PTPRT: variants seen among roughly 807,000 people sequenced by gnomAD.
The protein encoded by PTPRT is receptor-type tyrosine-protein phosphatase T.
In PTPRT, 56 loss-of-function variants were observed where a neutral mutation model predicts 176.8. The observed-to-expected ratio is 0.32, with a 90% CI of 0.26 to 0.40. The LOEUF is 0.40. Ranked by LOEUF, PTPRT falls within the 10% of genes least tolerant of loss-of-function variation. The probability of loss-of-function intolerance (pLI) is 1.00; values close to 1 mark genes in which losing one functional copy is unlikely to be tolerated. For synonymous variants in PTPRT, 783 were observed against 739.0 expected (o/e 1.06, Z -0.96); for missense variants, 1,540 against 1,908.2 (o/e 0.81, Z 3.60).
chr20:42,918,455 T>G (rs1475713160), intron 1 of PTPRT, among the ~76,000 whole-genome samples: 1 of 152,192 alleles, frequency 6.6e-6, no homozygotes, highest in African/African-American at 2.4e-5. Flanking sequence ...CCAATCTGAC[T>G]GGATCAAATT....
At chr20:42,922,344 C>T (rs1439746008) in intron 1 of PTPRT, among the ~76,000 whole-genome samples, 2 of 152,164 alleles carry the variant, frequency 1.3e-5, no homozygotes, top group African/African-American at 2.4e-5. Flanking sequence ...TAAGTCCCAA[C>T]CCTGTGCATC....
chr20:42,411,903 C>G (rs2059022925), intron 9 of PTPRT, among the ~76,000 whole-genome samples: 1 of 151,730 alleles, frequency 6.6e-6, no homozygotes, highest in Non-Finnish European at 1.5e-5. Flanking sequence ...AGTGCTTAAA[C>G]AGATATCCAT....
chr20:42,054,512 T>G, the PTPRT span, among the ~76,000 whole-genome samples: 1 of 152,190 alleles, frequency 6.6e-6, no homozygotes, highest in Admixed American at 6.5e-5. Flanking sequence ...ATTACTCTGG[T>G]TAACTGTCTT....
intron 1 of PTPRT, among the ~76,000 whole-genome samples, chr20:43,095,720 C>A (rs1315920848): frequency 8.7e-6 from 1 of 114,598 alleles, no homozygotes; most frequent in Non-Finnish European, 1.9e-5. Flanking sequence ...TCTGTTTCTT[C>A]CTCTCTCTCT....
At chr20:42,350,218 T>G (rs1194371991) in intron 11 of PTPRT, among the ~76,000 whole-genome samples, 1 of 44,402 alleles carries the variant, frequency 2.3e-5, no homozygotes, top group African/African-American at 9.0e-5. Context: ...TTTCTTGTTT[T>G]TTTTTTTTTT....
chr20:42,739,431 C>T (rs964599576), intron 6 of PTPRT, among the ~76,000 whole-genome samples: 1 of 152,114 alleles, frequency 6.6e-6, no homozygotes, highest in African/African-American at 2.4e-5. Context: ...TAGCAGCAGA[C>T]ACTGACAAGC....
chr20:42,192,921 C>T (rs1053657627), intron 16 of PTPRT, among the ~76,000 whole-genome samples: 1 of 152,166 alleles, frequency 6.6e-6, no homozygotes, highest in African/African-American at 2.4e-5. Context: ...TGGCAGCTGC[C>T]TTCCTGAGGC....
chr20:42,978,935 C>T (rs999170925), intron 1 of PTPRT, among the ~76,000 whole-genome samples: 10 of 152,216 alleles, frequency 6.6e-5, no homozygotes, highest in Admixed American at 5.2e-4. Context: ...ATGGAGTAGC[C>T]GTTCTTTTGT....
At chr20:42,689,527 AC>A (rs1468661108) in intron 6 of PTPRT, among the ~76,000 whole-genome samples, 1 of 152,172 alleles carries the variant, frequency 6.6e-6, no homozygotes, top group African/African-American at 2.4e-5. Context: ...CACCCGTTTC[AC>A]ATCCTGCAAG....
intron 17 of PTPRT, among the ~76,000 whole-genome samples, chr20:42,153,779 T>C (rs1989233403): frequency 6.6e-6 from 1 of 152,194 alleles, no homozygotes; most frequent in Non-Finnish European, 1.5e-5. Context: ...GCAACTCTTC[T>C]CTACACTTGC....
intron 21 of PTPRT, among the ~76,000 whole-genome samples, chr20:42,117,472 G>A (rs1297738893): frequency 2.0e-5 from 3 of 152,184 alleles, no homozygotes; most frequent in African/African-American, 7.2e-5. Flanking sequence ...AGCCCCAGGA[G>A]TAGTTGAGGA....
At chr20:43,129,822 T>A (rs1394553318) in intron 1 of PTPRT, among the ~76,000 whole-genome samples, 1 of 151,208 alleles carries the variant, frequency 6.6e-6, no homozygotes, top group Non-Finnish European at 1.5e-5. Context: ...GTTTCACCGT[T>A]TTAGCCGGGA....
At chr20:43,163,594 T>C (rs918232440) in intron 1 of PTPRT, among the ~76,000 whole-genome samples, 2 of 151,172 alleles carry the variant, frequency 1.3e-5, no homozygotes, top group South Asian at 2.1e-4. Context: ...GCCGAGATCA[T>C]GCCACTGCAC....
At chr20:42,303,710 G>T (rs571276819) in intron 12 of PTPRT, among the ~76,000 whole-genome samples, 1 of 152,270 alleles carries the variant, frequency 6.6e-6, no homozygotes, top group East Asian at 1.9e-4. Flanking sequence ...GGGAAGAAGC[G>T]TTAGGAGACT....
chr20:42,092,680 G>A (rs909739669), intron 27 of PTPRT, among the ~76,000 whole-genome samples: 1 of 152,314 alleles, frequency 6.6e-6, no homozygotes, highest in South Asian at 2.1e-4. Flanking sequence ...TATTTTGCTG[G>A]TGTGTTAGGC....
chr20:42,674,198 G>A (rs754936410), intron 7 of PTPRT, among the ~76,000 whole-genome samples: 4 of 152,146 alleles, frequency 2.6e-5, no homozygotes, highest in Non-Finnish European at 5.9e-5. Context: ...CATCAGTGGC[G>A]ATGCAGGAAG....
intron 1 of PTPRT, among the ~76,000 whole-genome samples, chr20:43,024,589 CAA>C (rs34972558): frequency 0.018 from 1,429 of 81,342 alleles, 29 homozygotes; most frequent in African/African-American, 0.053. Flanking sequence ...GACTCCATCT[CAA>C]AAAAAAAAAA....
At chr20:42,165,313 C>T (rs1004858671) in intron 16 of PTPRT, among the ~76,000 whole-genome samples, 1 of 152,082 alleles carries the variant, frequency 6.6e-6, no homozygotes, top group Non-Finnish European at 1.5e-5. Flanking sequence ...GTACAATGCA[C>T]GTTAGATATT....
At chr20:43,093,873 C>T (rs6030642) in intron 1 of PTPRT, among the ~76,000 whole-genome samples, 6,351 of 152,170 alleles carry the variant, frequency 0.042, 492 homozygotes, top group African/African-American at 0.15. Context: ...CTGACCATTT[C>T]CCCTTCCTGG....
Sources: gnomAD v4.1 joint callset for allele counts (sites outside exome capture counted in the v4.1 genomes callset) on GRCh38, gnomAD v4.1.1 for gene constraint, MANE v1.5 for transcripts, NCBI Gene and HGNC (gene_info 2026-07-23, HGNC 2026-07-21) for gene names.